The following PAAF1 variants were observed in gnomAD, a reference collection of about 807,000 sequenced individuals.
PAAF1 encodes proteasomal ATPase associated factor 1, also known as proteasomal ATPase-associated factor 1.
PAAF1 carries 46 observed loss-of-function variants against 52.8 expected under a neutral mutation model. That is an observed-to-expected ratio of 0.87 (90% CI 0.69 to 1.11). PAAF1 has a LOEUF of 1.11. PAAF1 is among the 50% of genes most tolerant of loss of function. The pLI, the probability that PAAF1 is intolerant of heterozygous loss-of-function variation, is 0.00. For missense variants in PAAF1, 424 were observed against 477.4 expected (o/e 0.89, Z 1.04); for synonymous variants, 178 against 172.8 (o/e 1.03, Z -0.24).
At chr11:73,881,526 G>C (rs1299663544) in intron 2 of PAAF1, among the ~76,000 whole-genome samples, 1 of 152,102 alleles carries the variant, frequency 6.6e-6, no homozygotes, top group African/African-American at 2.4e-5. Context: ...GAGCTCAAGT[G>C]ATCCGCCCGC....
chr11:73,909,965 A>T (rs1949883449), intron 7 of PAAF1, among the ~76,000 whole-genome samples: 1 of 152,258 alleles, frequency 6.6e-6, no homozygotes, highest in Admixed American at 6.5e-5. Flanking sequence ...ATAATATTTT[A>T]AGAAAGTTTA....
At chr11:73,897,206 G>A (rs1949418777) in intron 4 of PAAF1, among the ~76,000 whole-genome samples, 1 of 130,780 alleles carries the variant, frequency 7.6e-6, no homozygotes, top group African/African-American at 3.1e-5. Context: ...CCTCCCTCCC[G>A]GACGGGGCGG....
chr11:73,907,952 G>C (rs868139991), intron 6 of PAAF1, among the ~76,000 whole-genome samples: 2 of 152,004 alleles, frequency 1.3e-5, no homozygotes. Context: ...AGGACATGTG[G>C]GAGGCAATAA....
intron 10 of PAAF1, among the ~76,000 whole-genome samples, chr11:73,919,671 G>A (rs984316287): frequency 3.9e-5 from 6 of 152,158 alleles, no homozygotes; most frequent in African/African-American, 1.4e-4. Context: ...TCTTTGGAAT[G>A]GAGTTCAGGA....
At chr11:73,889,296 C>T (rs1249924711) in intron 3 of PAAF1, 1 of 1,131,734 alleles carries the variant, frequency 8.8e-7, no homozygotes, top group African/African-American at 1.6e-5. Context: ...CCATGAGTCA[C>T]TTTGCTAATT....
At chr11:73,895,768 T>C (rs1267666583) in intron 4 of PAAF1, among the ~76,000 whole-genome samples, 1 of 152,234 alleles carries the variant, frequency 6.6e-6, no homozygotes, top group Non-Finnish European at 1.5e-5. Flanking sequence ...AAAGATTTGT[T>C]ATTCTGATAA....
At chr11:73,897,455 C>T (rs1191254038) in intron 4 of PAAF1, among the ~76,000 whole-genome samples, 16 of 151,322 alleles carry the variant, frequency 1.1e-4, no homozygotes, top group African/African-American at 3.6e-4. Context: ...AGAGGGTCTC[C>T]TCACTTCTCA....
chr11:73,900,975 C>G (rs1245560149), intron 6 of PAAF1, among the ~76,000 whole-genome samples: 1 of 109,278 alleles, frequency 9.2e-6, no homozygotes, highest in African/African-American at 3.7e-5. Context: ...GAGCGAGACT[C>G]CGTCTCAAAA....
chr11:73,909,343 C>A, intron 6 of PAAF1, 56 bp from the exon 7 acceptor site: 2 of 1,522,172 alleles, frequency 1.3e-6, no homozygotes, highest in Non-Finnish European at 1.8e-6. Context: ...ATCTTCTCTG[C>A]CCTTGTAGTT....
chr11:73,880,338 C>T (rs1948858141), intron 2 of PAAF1: 1 of 151,764 alleles, frequency 6.6e-6, no homozygotes. Context: ...GTATACTTAA[C>T]ATAAAAATTC....
chr11:73,916,298 A>C (rs1184628005), intron 8 of PAAF1, among the ~76,000 whole-genome samples: 1 of 145,492 alleles, frequency 6.9e-6, no homozygotes, highest in Admixed American at 6.8e-5. Context: ...TAGTAGTTGG[A>C]AAACTGCTAC....
At chr11:73,914,643 G>T in intron 8 of PAAF1, 139 bp downstream of exon 8, 1 of 544,678 alleles carries the variant, frequency 1.8e-6, no homozygotes, top group Non-Finnish European at 3.4e-6. Flanking sequence ...GCAGTACAGT[G>T]TAATGATTAA....
intron 7 of PAAF1, 32 bp from the exon 8 acceptor site, chr11:73,914,381 A>G (rs1184961192): frequency 6.3e-7 from 1 of 1,597,516 alleles, no homozygotes; most frequent in Non-Finnish European, 8.6e-7. Context: ...GATCAGCCTC[A>G]CTGTTATTAA....
chr11:73,900,393 G>T lies in PAAF1; in HGVS notation c.505G>T (p.Val169Leu). The T allele has an allele frequency of 6.2e-7, 1 of 1,611,164 alleles. No homozygotes were observed. Among genetic ancestry groups the T allele is most frequent in the Non-Finnish European group, 8.5e-7 (1 of 1,177,992 alleles). Residue 169 changes from valine (V) to leucine (L), a missense_variant, in exon 6 of 12, where the codon GTG becomes TTG. Val to Leu is a conservative substitution (Grantham distance 32). Coordinates refer to ENST00000310571, the MANE Select transcript of PAAF1 (RefSeq NM_025155.3). ...KIWSAEDASC[V>L]VTFKGHKGGI... Reference sequence around the variant, plus strand: ...ATGGTCAGCTGAAGATGCTAGCTGCGTGGTGACCTTCAAAGGTCACAAAGG... The same window carrying T: ...ATGGTCAGCTGAAGATGCTAGCTGCTTGGTGACCTTCAAAGGTCACAAAGG...
chr11:73,903,191 C>T (rs980912006), intron 6 of PAAF1, among the ~76,000 whole-genome samples: 1 of 152,162 alleles, frequency 6.6e-6, no homozygotes, highest in Non-Finnish European at 1.5e-5. Context: ...GAAGTCAGAT[C>T]CAGGCTGGCC....
At chr11:73,882,732 A>C (rs1016623386) in intron 2 of PAAF1, among the ~76,000 whole-genome samples, 1 of 152,078 alleles carries the variant, frequency 6.6e-6, no homozygotes, top group Non-Finnish European at 1.5e-5. Context: ...CCTCCGAAGT[A>C]GCTGGGATTA....
At chr11:73,925,106 A>G (rs952666545) in intron 11 of PAAF1, among the ~76,000 whole-genome samples, 11 of 150,320 alleles carry the variant, frequency 7.3e-5, no homozygotes, top group African/African-American at 2.7e-4. Flanking sequence ...AGTGAGCCTC[A>G]AGATCGTACC....
chr11:73,887,195 CTT>C (rs929692398), intron 2 of PAAF1, 157 bp from the exon 3 acceptor site: 59 of 548,944 alleles, frequency 1.1e-4, no homozygotes, highest in African/African-American at 1.1e-3. Context: ...ATCTAATTCT[CTT>C]TTTACTTCAC....
intron 2 of PAAF1, chr11:73,879,031 T>A: frequency 2.6e-6 from 1 of 381,482 alleles, no homozygotes; most frequent in Non-Finnish European, 4.7e-6. Flanking sequence ...ACAGACTTAT[T>A]CATGGAGACA....
Sources: allele counts gnomAD v4.1 joint callset (sites outside exome capture counted in the v4.1 genomes callset), GRCh38; gene constraint gnomAD v4.1.1; transcripts MANE v1.5; gene names NCBI Gene and HGNC (gene_info 2026-07-23, HGNC 2026-07-21).